Variants in MYCBP2 observed in about 807,000 individuals in gnomAD.
The protein encoded by MYCBP2 is E3 ubiquitin-protein ligase MYCBP2.
MYCBP2 carries 120 observed loss-of-function variants against 525.3 expected under a neutral mutation model. That is an observed-to-expected ratio of 0.23 (90% CI 0.20 to 0.27). The LOEUF (loss-of-function observed/expected upper bound fraction) is 0.27. Among genes scored for constraint, MYCBP2 ranks in the 10% least tolerant of loss-of-function variants. The pLI is 1.00. For synonymous variants in MYCBP2, 1,894 were observed against 1,955.8 expected, an observed-to-expected ratio of 0.97 and a Z score of 0.83; for missense variants, 4,149 against 5,657.1, an observed-to-expected ratio of 0.73 and a Z score of 8.55.
chr13:77,211,361 A>C, intron 22 of MYCBP2, 41 bp from the exon 23 acceptor site: 1 of 1,053,768 alleles, frequency 9.5e-7, no homozygotes, highest in Non-Finnish European at 1.2e-6. Flanking sequence ...AATATATATT[A>C]CCCTTTTAAA....
chr13:77,080,370 C>G (rs1432380887), intron 65 of MYCBP2: 1 of 152,000 alleles, frequency 6.6e-6, no homozygotes, highest in Non-Finnish European at 1.5e-5. Context: ...TCAAGGAGAG[C>G]CATTAATACT....
intron 3 of MYCBP2, among the ~76,000 whole-genome samples, chr13:77,286,227 A>T (rs2076744846): frequency 1.3e-5 from 2 of 152,210 alleles, no homozygotes; most frequent in African/African-American, 4.8e-5. Flanking sequence ...GTAGTAAAAA[A>T]TATTTACACA....
intron 36 of MYCBP2, among the ~76,000 whole-genome samples, chr13:77,174,889 A>G (rs2059464091): frequency 1.5e-4 from 1 of 6,760 alleles, no homozygotes; most frequent in South Asian, 7.0e-3. Context: ...CTGCTAGAAT[A>G]TTAGCCATAC....
At chr13:77,236,396 G>GT (rs2067936370) in intron 17 of MYCBP2, among the ~76,000 whole-genome samples, 1 of 152,032 alleles carries the variant, frequency 6.6e-6, no homozygotes, top group African/African-American at 2.4e-5. Flanking sequence ...GTGTTAAATA[G>GT]TACAAGCCTT....
intron 26 of MYCBP2, among the ~76,000 whole-genome samples, chr13:77,198,191 T>G (rs190898060): frequency 8.5e-4 from 129 of 152,358 alleles, no homozygotes; most frequent in African/African-American, 3.0e-3. Context: ...ACTACTATTT[T>G]TCTTATTATC....
chr13:77,143,730 G>A lies in MYCBP2; in HGVS notation c.7303+715C>T, dbSNP rs545530441. 3.3e-5 allele frequency among the ~76,000 whole-genome samples: 5 copies of A among 152,330 alleles called. No homozygotes were observed. The South Asian group carries it at 8.3e-4, about 25-fold the overall frequency. On this transcript the variant is annotated intron_variant, in intron 49 of 82. Transcript: ENST00000544440. ...CAATTTCATCATTGTGCAAACATCA[G>A]AGTGGACTTAAGCAAACCTAGATGG...
At chr13:77,066,809 A>G (rs1236631110) in intron 71 of MYCBP2, among the ~76,000 whole-genome samples, 1 of 152,152 alleles carries the variant, frequency 6.6e-6, no homozygotes, top group African/African-American at 2.4e-5. Context: ...TCTGATTAGT[A>G]GTGAGGTGTT....
chr13:77,310,234 TC>T (rs2080007982), intron 1 of MYCBP2, among the ~76,000 whole-genome samples: 1 of 152,208 alleles, frequency 6.6e-6, no homozygotes, highest in South Asian at 2.1e-4. Context: ...TAGCCATATC[TC>T]CTACCTCCTC....
intron 5 of MYCBP2, among the ~76,000 whole-genome samples, chr13:77,271,718 A>T (rs1280517993): frequency 6.6e-6 from 1 of 152,130 alleles, no homozygotes; most frequent in Non-Finnish European, 1.5e-5. Context: ...CTTGCCTTCC[A>T]CCATGATTGT....
intron 1 of MYCBP2, among the ~76,000 whole-genome samples, chr13:77,300,886 A>G (rs1225269693): frequency 1.3e-5 from 2 of 152,216 alleles, no homozygotes; most frequent in East Asian, 3.9e-4. Flanking sequence ...AAGGCAGCTG[A>G]GACCACTGGC....
chr13:77,067,325 G>C (rs542343197), intron 71 of MYCBP2, among the ~76,000 whole-genome samples: 73 of 152,292 alleles, frequency 4.8e-4, no homozygotes, highest in African/African-American at 1.7e-3. Flanking sequence ...TATATGGTGA[G>C]AGGTAGGTAT....
chr13:77,089,124 A>T, intron 60 of MYCBP2, 93 bp from the exon 61 acceptor site: 1 of 966,776 alleles, frequency 1.0e-6, no homozygotes, highest in Non-Finnish European at 1.5e-6. Flanking sequence ...AGCCTTTGTC[A>T]TTGGTTTTTT....
chr13:77,324,556 T>C (rs955805128), intron 1 of MYCBP2, among the ~76,000 whole-genome samples: 5 of 152,212 alleles, frequency 3.3e-5, no homozygotes, highest in Non-Finnish European at 7.3e-5. Flanking sequence ...TAAACAATAA[T>C]GTTGCGTTGA....
chr13:77,079,465 G>A (rs1040061739), intron 65 of MYCBP2, among the ~76,000 whole-genome samples: 1 of 152,160 alleles, frequency 6.6e-6, no homozygotes, highest in African/African-American at 2.4e-5. Flanking sequence ...GGCTGAATAA[G>A]TTTTACGCAA....
chr13:77,088,122 G>A (rs761734857), intron 61 of MYCBP2, among the ~76,000 whole-genome samples: 1 of 151,750 alleles, frequency 6.6e-6, no homozygotes, highest in Non-Finnish European at 1.5e-5. Flanking sequence ...AAAGCACACG[G>A]AACTTGAAAC....
intron 21 of MYCBP2, 44 bp downstream of exon 21, chr13:77,217,796 C>T (rs767165140): frequency 4.2e-6 from 5 of 1,203,046 alleles, no homozygotes; most frequent in Non-Finnish European, 6.0e-6. Flanking sequence ...AATTATAAGG[C>T]AATGGTATAA....
At chr13:77,246,927 T>C (rs376080390) in intron 15 of MYCBP2, among the ~76,000 whole-genome samples, 3 of 152,222 alleles carry the variant, frequency 2.0e-5, no homozygotes, top group African/African-American at 7.2e-5. Context: ...TGCCCTTTCA[T>C]AATAAAAACA....
intron 23 of MYCBP2, among the ~76,000 whole-genome samples, chr13:77,207,555 C>T (rs2063491802): frequency 6.6e-6 from 1 of 152,092 alleles, no homozygotes; most frequent in Non-Finnish European, 1.5e-5. Context: ...CACTAAACAC[C>T]ACTGACTGCA....
intron 5 of MYCBP2, among the ~76,000 whole-genome samples, chr13:77,271,410 T>C (rs1346058915): frequency 1.3e-5 from 2 of 152,196 alleles, no homozygotes; most frequent in East Asian, 1.9e-4. Flanking sequence ...AACTCTCTGT[T>C]AAGCTTTATG....
Sources: allele counts gnomAD v4.1 joint callset (sites outside exome capture counted in the v4.1 genomes callset), GRCh38; gene constraint gnomAD v4.1.1; transcripts MANE v1.5; gene names NCBI Gene and HGNC (gene_info 2026-07-23, HGNC 2026-07-21).